PTPRD: variants seen among roughly 807,000 people sequenced by gnomAD.
PTPRD encodes the protein protein tyrosine phosphatase receptor type D, also known as receptor-type tyrosine-protein phosphatase delta.
A neutral mutation model predicts 214.5 loss-of-function variants in PTPRD; 34 were observed. That is an observed-to-expected ratio of 0.16 (90% CI 0.12 to 0.21). The LOEUF (loss-of-function observed/expected upper bound fraction) is 0.21. Among genes scored for constraint, PTPRD ranks in the 10% least tolerant of loss-of-function variants. PTPRD has a pLI of 1.00. For missense variants in PTPRD, 2,545 were observed against 2,398.7 expected (o/e 1.06, Z -1.27); for synonymous variants, 1,128 against 845.7 (o/e 1.33, Z -5.79).
chr9:9,091,035 G>C (rs568165199), intron 10 of PTPRD: 1 of 1,554,092 alleles, frequency 6.4e-7, no homozygotes, highest in East Asian at 2.2e-5. Flanking sequence ...ACATAGTGGA[G>C]GCCGCAGCAG....
At chr9:9,165,712 C>T (rs182080019) in intron 10 of PTPRD, among the ~76,000 whole-genome samples, 5 of 151,896 alleles carry the variant, frequency 3.3e-5, no homozygotes, top group East Asian at 1.9e-4. Context: ...TCACGGGGGG[C>T]CACATATTAA....
At chr9:8,661,796 T>C (rs1006114321) in intron 12 of PTPRD, among the ~76,000 whole-genome samples, 2 of 152,236 alleles carry the variant, frequency 1.3e-5, no homozygotes, top group African/African-American at 4.8e-5. Context: ...TATGCAGTTA[T>C]AGTAAAGTAA....
At chr9:9,876,235 A>G (rs2066827657) in intron 5 of PTPRD, among the ~76,000 whole-genome samples, 1 of 152,148 alleles carries the variant, frequency 6.6e-6, no homozygotes, top group African/African-American at 2.4e-5. Context: ...TTAGTTGTAC[A>G]CAATCAGATT....
intron 10 of PTPRD, among the ~76,000 whole-genome samples, chr9:9,050,071 G>A (rs983137994): frequency 1.3e-5 from 2 of 152,158 alleles, no homozygotes; most frequent in Non-Finnish European, 2.9e-5. Flanking sequence ...ATCTATGTGT[G>A]CTTGTGCAAT....
At chr9:8,565,554 C>G (rs1211245148) in intron 14 of PTPRD, among the ~76,000 whole-genome samples, 1 of 152,006 alleles carries the variant, frequency 6.6e-6, no homozygotes, top group African/African-American at 2.4e-5. Flanking sequence ...ATCTTTGTTG[C>G]TACCATACAG....
At chr9:9,838,022 G>C (rs949473239) in intron 5 of PTPRD, among the ~76,000 whole-genome samples, 1 of 152,070 alleles carries the variant, frequency 6.6e-6, no homozygotes, top group Non-Finnish European at 1.5e-5. Flanking sequence ...CACGGTGTTT[G>C]GTTTTGTGTC....
intron 10 of PTPRD, among the ~76,000 whole-genome samples, chr9:9,168,039 T>C (rs1215086773): frequency 1.3e-5 from 2 of 152,204 alleles, no homozygotes; most frequent in African/African-American, 2.4e-5. Flanking sequence ...TGCTTTATTC[T>C]GAAGGTTTGG....
rs1359118 is a variant in PTPRD at position 8,436,703 on chromosome 9, C to A, written c.3989-14G>T. 6.3e-7 allele frequency: 1 copy of A among 1,590,522 alleles called. No homozygotes were observed. Among genetic ancestry groups the A allele is most frequent in the Non-Finnish European group, 8.6e-7 (1 of 1,160,750 alleles). ...GGCTAGCCATACCTATTGAAAAAAG[C>A]AAAGAAGAAACACATTTGAAAACAA... On this transcript the variant is annotated splice_polypyrimidine_tract_variant and intron_variant, in intron 34 of 45. Coordinates refer to ENST00000381196, the MANE Select transcript of PTPRD (RefSeq NM_002839.4).
Position 9,605,527 on chromosome 9 carries a change from G to C in PTPRD, c.-286-30746C>G, listed in dbSNP as rs185848594. On this transcript the variant is annotated intron_variant, in intron 7 of 45. Transcript: ENST00000381196. ...AAAAACATGGTTCCCCACAACAAAA[G>C]TTTTCTAGACTATATGGTTTGCTAA... Among the ~76,000 whole-genome samples the C allele has an allele frequency of 1.8e-3, 270 of 152,134 alleles. 3 individuals carry two copies. Among genetic ancestry groups the C allele is most frequent in the Non-Finnish European group, 5.7e-4 (39 of 67,906 alleles).
intron 9 of PTPRD, among the ~76,000 whole-genome samples, chr9:9,353,412 T>G (rs1398648683): frequency 6.6e-6 from 1 of 151,958 alleles, no homozygotes; most frequent in Admixed American, 6.6e-5. Flanking sequence ...ACCCATTTAA[T>G]GAACAAAGAA....
intron 11 of PTPRD, among the ~76,000 whole-genome samples, chr9:8,943,630 A>G: frequency 6.6e-6 from 1 of 151,230 alleles, no homozygotes. Flanking sequence ...TTAACCATTT[A>G]TTCTGGGAAA....
At chr9:9,164,034 T>G (rs755090309) in intron 10 of PTPRD, among the ~76,000 whole-genome samples, 1 of 152,178 alleles carries the variant, frequency 6.6e-6, no homozygotes, top group Non-Finnish European at 1.5e-5. Flanking sequence ...ACTTCCCTTA[T>G]CATAACACCT....
chr9:10,384,074 CAAAAA>C (rs33977592), intron 2 of PTPRD, among the ~76,000 whole-genome samples: 1 of 104,740 alleles, frequency 9.5e-6, no homozygotes, highest in Non-Finnish European at 2.2e-5. Flanking sequence ...TTAATGGGTA[CAAAAA>C]AAAAAAAAAA....
chr9:8,547,641 T>TAAAA (rs759867541), intron 14 of PTPRD, among the ~76,000 whole-genome samples: 3 of 110,964 alleles, frequency 2.7e-5, no homozygotes, highest in Admixed American at 9.9e-5. Context: ...GAATCCTATT[T>TAAAA]AAAAAAAAAA....
intron 14 of PTPRD, among the ~76,000 whole-genome samples, chr9:8,538,272 T>A (rs2077434747): frequency 6.6e-6 from 1 of 152,022 alleles, no homozygotes; most frequent in Non-Finnish European, 1.5e-5. Flanking sequence ...TATATTTAAA[T>A]CATAAAATGA....
chr9:9,128,277 T>C (rs540463143), intron 10 of PTPRD, among the ~76,000 whole-genome samples: 4 of 152,308 alleles, frequency 2.6e-5, no homozygotes, highest in African/African-American at 7.2e-5. Flanking sequence ...TCAAAATATT[T>C]AGGTCATTAG....
chr9:10,177,337 G>C (rs2099254872), intron 3 of PTPRD, among the ~76,000 whole-genome samples: 1 of 151,522 alleles, frequency 6.6e-6, no homozygotes, highest in Non-Finnish European at 1.5e-5. Flanking sequence ...CACAGATGAA[G>C]AGGACAAGGG....
At chr9:9,548,280 T>A (rs1323080077) in intron 8 of PTPRD, among the ~76,000 whole-genome samples, 1 of 151,912 alleles carries the variant, frequency 6.6e-6, no homozygotes, top group Non-Finnish European at 1.5e-5. Flanking sequence ...CCCAAATTTA[T>A]TCACAATTGC....
At position 8,910,458 on chromosome 9, in the gene PTPRD, T is replaced by G. The variant is rs368743802; in HGVS notation, c.-104+108239A>C. On this transcript the variant is annotated intron_variant, in intron 11 of 45. Coordinates refer to ENST00000381196, the MANE Select transcript of PTPRD (RefSeq NM_002839.4). Reference sequence around the variant, plus strand: ...ATCCACTAATTAATAATTGGGTTAATGGATTTATGAGTTATCACCATGTGG... The same window carrying G: ...ATCCACTAATTAATAATTGGGTTAAGGGATTTATGAGTTATCACCATGTGG... Among the ~76,000 whole-genome samples the G allele has an allele frequency of 9.1e-4, 139 of 152,244 alleles. 1 individual carries two copies. The highest frequency in any genetic ancestry group is 3.2e-3 in the African/African-American group (131 of 41,520).
Sources: allele counts gnomAD v4.1 joint callset (sites outside exome capture counted in the v4.1 genomes callset), GRCh38; gene constraint gnomAD v4.1.1; transcripts MANE v1.5; gene names NCBI Gene and HGNC (gene_info 2026-07-23, HGNC 2026-07-21).